AIM2: variants seen among roughly 807,000 people sequenced by gnomAD.
AIM2 encodes the protein absent in melanoma 2.
AIM2 carries 30 observed loss-of-function variants against 27.7 expected under a neutral mutation model. The observed-to-expected ratio is 1.08, with a 90% CI of 0.81 to 1.47. The LOEUF (loss-of-function observed/expected upper bound fraction) is 1.47, where lower values mean the gene tolerates loss of function less well. Among genes scored for constraint, AIM2 ranks in the 40% most tolerant of loss-of-function variants. AIM2 has a pLI of 0.00. For missense variants in AIM2, 358 were observed against 411.3 expected, an observed-to-expected ratio of 0.87 and a Z score of 1.12; for synonymous variants, 141 against 145.3, an observed-to-expected ratio of 0.97 and a Z score of 0.21.
chr1:159,105,923 A>G (rs1657433787), intron 1 of AIM2, among the ~76,000 whole-genome samples: 1 of 152,088 alleles, frequency 6.6e-6, no homozygotes, highest in Admixed American at 6.5e-5. Context: ...CCTTGGTTTG[A>G]AGATGGGGCT....
At chr1:159,064,448 G>A (rs1383929840) in intron 4 of AIM2, among the ~76,000 whole-genome samples, 1 of 152,136 alleles carries the variant, frequency 6.6e-6, no homozygotes, top group Non-Finnish European at 1.5e-5. Flanking sequence ...ACCCTGGGTT[G>A]GAAGAGAGCT....
chr1:159,136,944 G>A (rs1006002418), intron 1 of AIM2, among the ~76,000 whole-genome samples: 8 of 152,248 alleles, frequency 5.3e-5, no homozygotes, highest in East Asian at 3.9e-4. Flanking sequence ...GGGAATCACC[G>A]TGCCACAGCT....
intron 4 of AIM2, among the ~76,000 whole-genome samples, chr1:159,064,615 G>A (rs1484810424): frequency 1.3e-5 from 2 of 152,116 alleles, no homozygotes; most frequent in South Asian, 2.1e-4. Context: ...ATAGGTGTCC[G>A]CCAATACACC....
intron 1 of AIM2, among the ~76,000 whole-genome samples, chr1:159,086,467 AGGCT>A (rs1436888179): frequency 6.6e-6 from 1 of 152,182 alleles, no homozygotes; most frequent in Non-Finnish European, 1.5e-5. Flanking sequence ...CACATACACT[AGGCT>A]CCAGGTGAAT....
intron 1 of AIM2, among the ~76,000 whole-genome samples, chr1:159,140,067 C>A (rs994392160): frequency 1.3e-5 from 2 of 152,148 alleles, no homozygotes; most frequent in Non-Finnish European, 2.9e-5. Flanking sequence ...ACCACTACCA[C>A]ACACTAATGT....
chr1:159,109,364 G>C (rs1000887806), intron 1 of AIM2, among the ~76,000 whole-genome samples: 4 of 152,150 alleles, frequency 2.6e-5, no homozygotes, highest in Admixed American at 1.3e-4. Context: ...ACATGTAAGA[G>C]AATGAAACTG....
chr1:159,092,567 G>A (rs1657072051), intron 1 of AIM2, among the ~76,000 whole-genome samples: 1 of 152,158 alleles, frequency 6.6e-6, no homozygotes, highest in African/African-American at 2.4e-5. Context: ...TCAGGAAGTG[G>A]AGAAGGAGGT....
At chr1:159,056,748 A>AAAAAG in the AIM2 span, among the ~76,000 whole-genome samples, 1 of 138,544 alleles carries the variant, frequency 7.2e-6, no homozygotes, top group East Asian at 2.2e-4. Flanking sequence ...AAAAAAAAAA[A>AAAAAG]CTACCCTTTA....
intron 1 of AIM2, among the ~76,000 whole-genome samples, chr1:159,093,897 G>A (rs1037973238): frequency 6.3e-5 from 6 of 94,992 alleles, no homozygotes; most frequent in African/African-American, 1.5e-4. Flanking sequence ...CACCATGCCT[G>A]GATATTTTTT....
intron 1 of AIM2, among the ~76,000 whole-genome samples, chr1:159,112,958 T>C (rs938953070): frequency 1.3e-5 from 2 of 151,204 alleles, no homozygotes; most frequent in African/African-American, 2.4e-5. Flanking sequence ...TATAATTTTT[T>C]TTTTGGGACG....
At chr1:159,084,382 T>C (rs1656848949) in intron 1 of AIM2, among the ~76,000 whole-genome samples, 1 of 152,184 alleles carries the variant, frequency 6.6e-6, no homozygotes, top group African/African-American at 2.4e-5. Context: ...GACTTCCTAC[T>C]GGAGAGAAAG....
chr1:159,124,191 T>A (rs1434719923), intron 1 of AIM2, among the ~76,000 whole-genome samples: 3 of 151,322 alleles, frequency 2.0e-5, no homozygotes, highest in Non-Finnish European at 4.4e-5. Flanking sequence ...CCATATTACA[T>A]CTCTTTTTTT....
At chr1:159,138,680 C>T (rs1422293642) in intron 1 of AIM2, among the ~76,000 whole-genome samples, 1 of 152,188 alleles carries the variant, frequency 6.6e-6, no homozygotes, top group African/African-American at 2.4e-5. Context: ...ACTGTCTGTG[C>T]TCCTGCTCCC....
At chr1:159,104,564 T>C (rs564677711) in intron 1 of AIM2, among the ~76,000 whole-genome samples, 2 of 152,328 alleles carry the variant, frequency 1.3e-5, no homozygotes, top group African/African-American at 4.8e-5. Context: ...AAAATACACA[T>C]CAGACTTCAA....
chr1:159,084,802 CACACACACACACATACAG>C (rs1173682176), intron 1 of AIM2, among the ~76,000 whole-genome samples: 5 of 150,320 alleles, frequency 3.3e-5, no homozygotes, highest in African/African-American at 9.9e-5. Flanking sequence ...CACACACACA[CACACACACACACATACAG>C]ACACACACAC....
At chr1:159,142,359 A>G (rs1490633500), upstream of AIM2, among the ~76,000 whole-genome samples, 1 of 152,140 alleles carries the variant, frequency 6.6e-6, no homozygotes, top group African/African-American at 2.4e-5. Context: ...AACAGTGTTC[A>G]GTGTGTGTGT....
intron 1 of AIM2, among the ~76,000 whole-genome samples, chr1:159,089,913 C>T (rs1036175207): frequency 6.6e-6 from 1 of 152,200 alleles, no homozygotes; most frequent in African/African-American, 2.4e-5. Context: ...TGCCTATTTT[C>T]CCAGCTGCTA....
At chr1:159,089,725 C>T (rs1426822786) in intron 1 of AIM2, among the ~76,000 whole-genome samples, 1 of 152,172 alleles carries the variant, frequency 6.6e-6, no homozygotes, top group Admixed American at 6.5e-5. Context: ...TACCCTGAGT[C>T]CCAGAATCAC....
At chr1:159,101,524 G>C (rs1357349916) in intron 1 of AIM2, among the ~76,000 whole-genome samples, 1 of 152,214 alleles carries the variant, frequency 6.6e-6, no homozygotes, top group Non-Finnish European at 1.5e-5. Flanking sequence ...TTTGGAACTA[G>C]GTAACAGGCA....
Sources: gnomAD v4.1 joint callset for allele counts (sites outside exome capture counted in the v4.1 genomes callset) on GRCh38, gnomAD v4.1.1 for gene constraint, MANE v1.5 for transcripts, NCBI Gene and HGNC (gene_info 2026-07-23, HGNC 2026-07-21) for gene names.